The following BUB1 variants were observed in gnomAD, a reference collection of about 807,000 sequenced individuals.
BUB1 encodes the protein mitotic checkpoint serine/threonine-protein kinase BUB1.
In BUB1, 84 loss-of-function variants were observed where a neutral mutation model predicts 135.2. The observed-to-expected ratio is 0.62, with a 90% confidence interval of 0.52 to 0.74. The LOEUF (loss-of-function observed/expected upper bound fraction) is 0.74. BUB1 is among the 30% of genes least tolerant of loss of function. BUB1 has a pLI of 0.00. For synonymous variants in BUB1, 403 were observed against 434.4 expected (o/e 0.93, Z 0.90); for missense variants, 1,162 against 1,288.3 (o/e 0.90, Z 1.50).
intron 3 of BUB1, among the ~76,000 whole-genome samples, chr2:110,673,811 C>T (rs540333623): frequency 1.3e-5 from 2 of 152,240 alleles, no homozygotes; most frequent in Non-Finnish European, 2.9e-5. Flanking sequence ...GTTGGCCAGG[C>T]TGGTCTCGAA....
At chr2:110,670,680 G>A (rs987835405) in intron 4 of BUB1, 112 bp from the exon 5 acceptor site, 12 of 1,071,508 alleles carry the variant, frequency 1.1e-5, no homozygotes, top group Admixed American at 6.6e-5. Context: ...AAAGTCTGAC[G>A]TCAAGAGAGA....
intron 16 of BUB1, 126 bp downstream of exon 16, chr2:110,655,613 C>G: frequency 1.1e-6 from 1 of 948,644 alleles, no homozygotes. Context: ...TAAGTTTCTT[C>G]TTTATGATTT....
rs1289597246 is a variant in BUB1 at position 110,677,987 on chromosome 2, G to A, written c.9C>T (p.Thr3=). 2 of 1,608,904 alleles carry A rather than the reference G, an allele frequency of 1.2e-6. No homozygotes were observed. Among genetic ancestry groups the A allele is most frequent in the South Asian group, 2.2e-5 (2 of 90,112 alleles). ...ACACTTACTGAAGGACATTTTCCGG[G>A]GTGTCCATGGCCAGAGGACGCTGGC... is the stretch of plus-strand genomic sequence containing the variant. The part of the protein sequence containing the change: MD[T]PENVLQMLEA... Residue 3 remains threonine, a synonymous_variant, in exon 1 of 25, where the codon ACC becomes ACT. Transcript: ENST00000302759.
chr2:110,667,744 C>CAACAATG, intron 7 of BUB1, 39 bp from the exon 8 acceptor site: 1 of 1,609,506 alleles, frequency 6.2e-7, no homozygotes, highest in Non-Finnish European at 8.5e-7. Flanking sequence ...AACAATGTAC[C>CAACAATG]TAAGAGCACT....
At chr2:110,670,610 T>C (rs979198467) in intron 4 of BUB1, 42 bp from the exon 5 acceptor site, 32 of 1,590,440 alleles carry the variant, frequency 2.0e-5, no homozygotes, top group Non-Finnish European at 2.4e-5. Flanking sequence ...ATTATAAACT[T>C]ACAGTACATA....
At chr2:110,673,668 G>A (rs898759353) in intron 3 of BUB1, among the ~76,000 whole-genome samples, 1 of 151,872 alleles carries the variant, frequency 6.6e-6, no homozygotes, top group Non-Finnish European at 1.5e-5. Flanking sequence ...ATCTGATCTC[G>A]GCTCATGGCA....
At chr2:110,653,809 G>A (rs1363478743) in intron 16 of BUB1, among the ~76,000 whole-genome samples, 2 of 152,036 alleles carry the variant, frequency 1.3e-5, no homozygotes, top group African/African-American at 2.4e-5. Flanking sequence ...TTTGAGGCAA[G>A]GCTGAGCAAC....
At position 110,657,127 on chromosome 2, in the gene BUB1, G is replaced by T; in HGVS notation, c.1617-10C>A. ...TTTAGGCTGTGGTAATCTAAGGAAA[G>T]ATTTGCTAAATTATAAATAGTAAAA... On this transcript the variant is annotated splice_polypyrimidine_tract_variant and intron_variant, in intron 14 of 24. Coordinates refer to ENST00000302759, the MANE Select transcript of BUB1 (RefSeq NM_004336.5). The T allele has an allele frequency of 1.2e-6, 2 of 1,605,112 alleles. No homozygotes were observed. The highest frequency in any genetic ancestry group is 2.2e-5 in the East Asian group (1 of 44,784).
chr2:110,638,842 G>C (rs776590157), intron 24 of BUB1, among the ~76,000 whole-genome samples: 2 of 152,142 alleles, frequency 1.3e-5, no homozygotes, highest in Non-Finnish European at 2.9e-5. Context: ...ATAAAGAATA[G>C]TTGTTATAAG....
chr2:110,653,467 T>C lies in BUB1; in HGVS notation c.1933A>G (p.Met645Val). 1 of 1,613,956 alleles carries C rather than the reference T, an allele frequency of 6.2e-7. No homozygotes were observed. The highest frequency in any genetic ancestry group is 8.5e-7 in the Non-Finnish European group (1 of 1,179,908). Residue 645 changes from methionine to valine, a missense_variant, in exon 17 of 25, where the codon ATG (methionine) becomes GTG (valine). Met to Val is a conservative substitution (Grantham distance 21). Transcript: ENST00000302759. ...QATLDSCEEN[M>V]VVPSRDGKFS... is the part of the protein sequence containing the mutation. ...TTTCCATCCCTTGAAGGCACCACCA[T>C]GTTTTCCTCACAAGAATCCAAAGTC...
At position 110,641,770 on chromosome 2, in the gene BUB1, T is replaced by C; in HGVS notation, c.2497A>G (p.Ile833Val). The part of the protein sequence containing the change: ...QKPANPWEFY[I>V]GTQLMERLKP... Reference sequence around the variant, plus strand: ...AGTCTTTCCATCAACTGGGTCCCAATGTAGAATTCCCAGGGGTTGGCAGGC... The same window carrying C: ...AGTCTTTCCATCAACTGGGTCCCAACGTAGAATTCCCAGGGGTTGGCAGGC... Residue 833 changes from isoleucine to valine, a missense_variant, in exon 21 of 25, where the codon ATT becomes GTT. Transcript: ENST00000302759. 1 of 1,608,698 alleles carries C rather than the reference T, an allele frequency of 6.2e-7. No individual in the cohort carries two copies. The highest frequency in any genetic ancestry group is 8.5e-7 in the Non-Finnish European group (1 of 1,179,940).
intron 23 of BUB1, 107 bp downstream of exon 23, chr2:110,640,927 C>A: frequency 5.1e-6 from 6 of 1,165,358 alleles, no homozygotes; most frequent in Non-Finnish European, 5.9e-6. Context: ...CCTTCAACTG[C>A]TCCTCAAAAG....
intron 20 of BUB1, 152 bp from the exon 21 acceptor site, chr2:110,641,955 T>G: frequency 9.0e-7 from 1 of 1,111,386 alleles, no homozygotes; most frequent in South Asian, 1.6e-5. Context: ...CCAAGACAAT[T>G]TTAGTGGGAA....
In BUB1 at chr2:110,669,572, TAA is replaced by T; in HGVS notation, c.467-21_467-20del. 6.8e-7 allele frequency: 1 copy of T among 1,470,268 alleles called. No homozygotes were observed. Among genetic ancestry groups the T allele is most frequent in the Non-Finnish European group, 9.5e-7 (1 of 1,051,442 alleles). The allele number at this position is 1,470,268 out of a possible 1,614,324, so 91.1% of individuals were successfully genotyped here. A position where few individuals can be genotyped will look rare whatever the true frequency, so the allele number is the denominator to read the frequency against. On this transcript the variant is annotated intron_variant, in intron 5 of 24. Coordinates refer to ENST00000302759, the MANE Select transcript of BUB1 (RefSeq NM_004336.5). ...GTTCTAGCTATGAGGGAAAAGAGGA[TAA>T]AATACGGAGAAATTAAGGGTAAAAC...
chr2:110,670,129 T>TG, intron 5 of BUB1, among the ~76,000 whole-genome samples: 1 of 138,058 alleles, frequency 7.2e-6, no homozygotes, highest in East Asian at 2.0e-4. Flanking sequence ...TGGATGGGTT[T>TG]TTTTTTTTTT....
At chr2:110,643,815 A>T (rs1037018796) in intron 19 of BUB1, among the ~76,000 whole-genome samples, 3 of 150,458 alleles carry the variant, frequency 2.0e-5, no homozygotes, top group Admixed American at 6.6e-5. Context: ...CACACTAGAA[A>T]TTTTTTTTTT....
At position 110,638,097 on chromosome 2, in the gene BUB1, T is replaced by A. The variant is rs756101035; in HGVS notation, c.3125A>T (p.His1042Leu). The A allele has an allele frequency of 1.2e-6, 2 of 1,612,070 alleles. No homozygotes were observed. Among genetic ancestry groups the A allele is most frequent in the East Asian group, 4.5e-5 (2 of 44,800 alleles). ...FHVMLNIPDC[H>L]HLPSLDLLRQ... ...TAACAAATCCAAAGATGGAAGATGA[T>A]GACAATCTGGAATATTCAACATAAC... The change falls in exon 25 of 25, where the codon CAT becomes CTT. Residue 1042 changes from histidine to leucine, a missense_variant. Coordinates refer to ENST00000302759, the MANE Select transcript of BUB1 (RefSeq NM_004336.5).
chr2:110,667,117 C>G (rs1188723044), intron 8 of BUB1, among the ~76,000 whole-genome samples: 1 of 152,126 alleles, frequency 6.6e-6, no homozygotes, highest in Non-Finnish European at 1.5e-5. Flanking sequence ...AAATAACTGA[C>G]CTAGAGGTTT....
intron 19 of BUB1, among the ~76,000 whole-genome samples, chr2:110,644,781 A>G (rs1423260176): frequency 6.6e-6 from 1 of 152,218 alleles, no homozygotes; most frequent in African/African-American, 2.4e-5. Context: ...GAAATTTGGA[A>G]TCCACCAATC....
Sources: allele counts gnomAD v4.1 joint callset (sites outside exome capture counted in the v4.1 genomes callset), GRCh38; gene constraint gnomAD v4.1.1; transcripts MANE v1.5; gene names NCBI Gene and HGNC (gene_info 2026-07-23, HGNC 2026-07-21).